RAD52: variants seen among roughly 807,000 people sequenced by gnomAD.
The protein encoded by RAD52 is RAD52 DNA repair protein.
RAD52 carries 47 observed loss-of-function variants against 55.5 expected under a neutral mutation model. That is an observed-to-expected ratio of 0.85 (90% CI 0.67 to 1.08). The LOEUF (loss-of-function observed/expected upper bound fraction) is 1.08, where lower values mean the gene tolerates loss of function less well. RAD52 is among the 50% of genes least tolerant of loss of function. The pLI, the probability that RAD52 is intolerant of heterozygous loss-of-function variation, is 0.00. For missense variants in RAD52, 468 were observed against 522.8 expected, an observed-to-expected ratio of 0.90 and a Z score of 1.02; for synonymous variants, 184 against 198.9, an observed-to-expected ratio of 0.92 and a Z score of 0.63.
In RAD52 at chr12:933,018, C is replaced by G. The variant is rs1211599300; in HGVS notation, c.41G>C (p.Ser14Thr). ...TGAGCCGCCGCCAGCAGCAGGATGG[C>G]TGTCACGTCCTCCAAGAATTGCTTC... Reference protein sequence around the residue: ...TEEAILGGRDSHPAAGGGSVL... With the variant: ...TEEAILGGRDTHPAAGGGSVL... The change falls in exon 2 of 12, where the codon AGC becomes ACC. Residue 14 changes from serine to threonine, a missense_variant. Ser to Thr is a moderately conservative substitution (Grantham distance 58). Coordinates refer to ENST00000358495, the MANE Select transcript of RAD52 (RefSeq NM_134424.4). 4.3e-6 allele frequency: 7 copies of G among 1,613,954 alleles called. No homozygotes were observed. The highest frequency in any genetic ancestry group is 5.9e-6 in the Non-Finnish European group (7 of 1,179,998).
At chr12:954,458 C>T (rs1003735375), upstream of RAD52, among the ~76,000 whole-genome samples, 4 of 151,958 alleles carry the variant, frequency 2.6e-5, no homozygotes, top group African/African-American at 7.3e-5. Flanking sequence ...ATGACAAAAC[C>T]CTGTCTCTAC....
At chr12:954,394 G>A (rs193267937), upstream of RAD52, among the ~76,000 whole-genome samples, 1 of 152,222 alleles carries the variant, frequency 6.6e-6, no homozygotes, top group African/African-American at 2.4e-5. Flanking sequence ...CACTTTGGGA[G>A]GCCGAGGTGG....
chr12:927,069 CT>C, intron 6 of RAD52, 75 bp downstream of exon 6: 1 of 1,537,972 alleles, frequency 6.5e-7, no homozygotes, highest in East Asian at 2.3e-5. Flanking sequence ...TGTGTTACCT[CT>C]TCCAAAAAAA....
chr12:951,064 T>C (rs1038481440), upstream of RAD52, among the ~76,000 whole-genome samples: 3 of 152,158 alleles, frequency 2.0e-5, no homozygotes, highest in African/African-American at 7.2e-5. Context: ...TATTGAGCAT[T>C]TTTATGAACC....
At chr12:950,279 A>T, upstream of RAD52, among the ~76,000 whole-genome samples, 1 of 152,196 alleles carries the variant, frequency 6.6e-6, no homozygotes, top group African/African-American at 2.4e-5. Context: ...CCCCTCTAGA[A>T]TGTCCCCTGG....
intron 1 of RAD52, among the ~76,000 whole-genome samples, chr12:967,451 G>A (rs1025172920): frequency 1.3e-5 from 2 of 151,394 alleles, no homozygotes; most frequent in South Asian, 2.1e-4. Flanking sequence ...TACTGCCCAC[G>A]TAACCATCAC....
intron 2 of RAD52, among the ~76,000 whole-genome samples, 161 bp downstream of exon 2, chr12:932,808 ACTGCTC>A (rs1160590799): frequency 3.7e-5 from 1 of 27,102 alleles, no homozygotes; most frequent in Admixed American, 4.2e-4. Flanking sequence ...CGTACTAGGT[ACTGCTC>A]ACACACGTAC....
rs1957421956 is a variant in RAD52, at chr12:933,044, C to T, written c.15G>A (p.Glu5=). Residue 5 remains glutamate, a synonymous_variant, in exon 2 of 12, where the codon GAG becomes GAA. Transcript: ENST00000358495. The stretch of plus-strand genomic sequence containing the variant: ...TGTCACGTCCTCCAAGAATTGCTTC[C>T]TCAGTCCCAGACATCTTGATTCTGG... The part of the protein sequence containing the change: MSGT[E]EAILGGRDSH... The T allele has an allele frequency of 6.2e-7, 1 of 1,613,712 alleles. No individual in the cohort carries two copies. The highest frequency in any genetic ancestry group is 1.3e-5 in the African/African-American group (1 of 74,908).
intron 1 of RAD52, among the ~76,000 whole-genome samples, chr12:946,883 T>C (rs1958256298): frequency 6.6e-6 from 1 of 152,220 alleles, no homozygotes; most frequent in Non-Finnish European, 1.5e-5. Flanking sequence ...CCGTTTATAC[T>C]ACAAGATAAC....
At chr12:955,283 GA>G (rs1382864936) in intron 1 of RAD52, among the ~76,000 whole-genome samples, 1 of 152,184 alleles carries the variant, frequency 6.6e-6, no homozygotes, top group Admixed American at 6.5e-5. Context: ...GCAAGGGCAA[GA>G]AATTAAGAGT....
intron 1 of RAD52, among the ~76,000 whole-genome samples, chr12:972,243 G>C (rs1034960662): frequency 6.6e-6 from 1 of 152,114 alleles, no homozygotes; most frequent in Non-Finnish European, 1.5e-5. Flanking sequence ...TTCAGTGGGG[G>C]AGACTGAAGA....
chr12:942,298 T>A (rs1251496804), intron 1 of RAD52, among the ~76,000 whole-genome samples: 1 of 152,188 alleles, frequency 6.6e-6, no homozygotes, highest in Non-Finnish European at 1.5e-5. Context: ...ATTTGTACAG[T>A]CATCTTAATT....
In RAD52 at chr12:918,457, C is replaced by T. The variant is rs144505336; in HGVS notation, c.544-1637G>A. Among the ~76,000 whole-genome samples, 428 of 152,196 alleles carry T rather than the reference C, an allele frequency of 2.8e-3. 3 individuals carry two copies. Among genetic ancestry groups the T allele is most frequent in the African/African-American group, 9.9e-3 (410 of 41,546 alleles). On this transcript the variant is annotated intron_variant, in intron 7 of 11. Coordinates refer to ENST00000358495, the MANE Select transcript of RAD52 (RefSeq NM_134424.4). ...TGTGGCCCAGGCTGGAGTGCAGTGG[C>T]GTAATCACAGCTCACTGCAGCCTGG...
At chr12:915,582 A>G (rs907441148) in intron 9 of RAD52, among the ~76,000 whole-genome samples, 16 of 152,226 alleles carry the variant, frequency 1.1e-4, no homozygotes, top group African/African-American at 3.9e-4. Context: ...AGGCATCTGT[A>G]TCACTATTCC....
chr12:931,654 TTTTTGAGAACTGCA>T (rs1301786664), intron 2 of RAD52, among the ~76,000 whole-genome samples: 1 of 152,070 alleles, frequency 6.6e-6, no homozygotes, highest in Non-Finnish European at 1.5e-5. Flanking sequence ...AACCCCAGGG[TTTTTGAGAACTGCA>T]TTTTGAGAAC....
chr12:940,721 G>A (rs1036719866), intron 1 of RAD52, among the ~76,000 whole-genome samples: 21 of 151,826 alleles, frequency 1.4e-4, no homozygotes, highest in African/African-American at 1.9e-4. Flanking sequence ...CCACCTCCCC[G>A]ACAAAAAAGC....
At chr12:938,789 A>G (rs1957763957) in intron 1 of RAD52, among the ~76,000 whole-genome samples, 1 of 152,192 alleles carries the variant, frequency 6.6e-6, no homozygotes, top group Non-Finnish European at 1.5e-5. Flanking sequence ...GCTATAAAGA[A>G]TATTATTAGG....
chr12:924,951 T>C (rs1353491500), intron 7 of RAD52, among the ~76,000 whole-genome samples: 2 of 148,814 alleles, frequency 1.3e-5, no homozygotes, highest in East Asian at 2.0e-4. Flanking sequence ...GGTGTGATTT[T>C]TTTTTTTTTT....
chr12:954,174 G>A (rs1340482641), upstream of RAD52, among the ~76,000 whole-genome samples: 1 of 152,056 alleles, frequency 6.6e-6, no homozygotes, highest in Non-Finnish European at 1.5e-5. Context: ...ACCCATTTCT[G>A]TATGTAGTCA....
Sources: gnomAD v4.1 joint callset for allele counts (sites outside exome capture counted in the v4.1 genomes callset) on GRCh38, gnomAD v4.1.1 for gene constraint, MANE v1.5 for transcripts, NCBI Gene and HGNC (gene_info 2026-07-23, HGNC 2026-07-21) for gene names.